NTRK2: variants seen among roughly 807,000 people sequenced by gnomAD.
The protein encoded by NTRK2 is neurotrophic receptor tyrosine kinase 2.
Under a neutral mutation model 94.5 loss-of-function variants are expected in NTRK2, and 13 were observed. The ratio of observed to expected loss-of-function variants is 0.14; its 90% confidence interval spans 0.09 to 0.22. NTRK2 has a LOEUF of 0.22. NTRK2 is among the 10% of genes least tolerant of loss of function. The probability of loss-of-function intolerance (pLI) is 1.00; values close to 1 mark genes in which losing one functional copy is unlikely to be tolerated. For synonymous variants in NTRK2, 372 were observed against 407.4 expected (o/e 0.91, Z 1.05); for missense variants, 639 against 1,071.2 (o/e 0.60, Z 5.63).
chr9:84,871,659 A>G (rs185379108), intron 14 of NTRK2: 2 of 802,928 alleles, frequency 2.5e-6, no homozygotes, highest in East Asian at 4.9e-5. Flanking sequence ...GTATGTTTTC[A>G]CTATCTGGAG....
intron 11 of NTRK2, among the ~76,000 whole-genome samples, chr9:84,746,734 T>C (rs1056078449): frequency 1.3e-5 from 2 of 152,124 alleles, no homozygotes; most frequent in Admixed American, 6.6e-5. Flanking sequence ...CTCTTTGTAC[T>C]TGTGGCTCCC....
At chr9:84,966,421 A>G (rs1437632469) in intron 17 of NTRK2, among the ~76,000 whole-genome samples, 2 of 150,914 alleles carry the variant, frequency 1.3e-5, no homozygotes. Context: ...GTGTAGAGCT[A>G]TGTTTTTGTT....
chr9:84,953,346 C>A (rs191148859), intron 16 of NTRK2, among the ~76,000 whole-genome samples: 3 of 152,370 alleles, frequency 2.0e-5, no homozygotes, highest in South Asian at 4.1e-4. Flanking sequence ...GGCCACGAAG[C>A]ACTATGCAAG....
intron 12 of NTRK2, among the ~76,000 whole-genome samples, chr9:84,839,918 T>G (rs2131768432): frequency 6.6e-6 from 1 of 152,304 alleles, no homozygotes; most frequent in South Asian, 2.1e-4. Flanking sequence ...GTTTCTTGGC[T>G]ACTTTTTTCT....
chr9:84,823,459 C>T (rs1029095538), intron 12 of NTRK2, among the ~76,000 whole-genome samples: 9 of 152,256 alleles, frequency 5.9e-5, no homozygotes, highest in African/African-American at 9.6e-5. Flanking sequence ...GCAGCCCTTG[C>T]ATTGAATTGT....
intron 12 of NTRK2, among the ~76,000 whole-genome samples, chr9:84,777,446 T>C (rs377373687): frequency 7.2e-5 from 11 of 152,344 alleles, no homozygotes; most frequent in East Asian, 5.8e-4. Context: ...CCCTTTGCTC[T>C]GGGTGTCCAC....
At chr9:84,969,162 G>A (rs1042361677) in intron 17 of NTRK2, among the ~76,000 whole-genome samples, 1 of 152,156 alleles carries the variant, frequency 6.6e-6, no homozygotes, top group Non-Finnish European at 1.5e-5. Flanking sequence ...CTGCTGTCCT[G>A]TACTCTGTTT....
intron 12 of NTRK2, chr9:84,811,087 A>T: frequency 9.3e-7 from 1 of 1,070,090 alleles, no homozygotes; most frequent in East Asian, 5.0e-5. Context: ...TCAGCACTGA[A>T]TTCAGAGGGT....
chr9:85,012,116 G>A (rs1317202492), intron 17 of NTRK2, among the ~76,000 whole-genome samples: 2 of 151,902 alleles, frequency 1.3e-5, no homozygotes, highest in Non-Finnish European at 2.9e-5. Flanking sequence ...AGCCTCCCGA[G>A]TAGCTGGGAC....
intron 9 of NTRK2, among the ~76,000 whole-genome samples, chr9:84,734,279 C>T (rs555449148): frequency 6.6e-6 from 1 of 152,212 alleles, no homozygotes; most frequent in Admixed American, 6.5e-5. Context: ...GTTATTTATC[C>T]TCTCCTTAGG....
At chr9:84,860,891 G>GTTTT (rs754341107) in intron 12 of NTRK2, 149 bp from the exon 13 acceptor site, 2 of 371,338 alleles carry the variant, frequency 5.4e-6, no homozygotes, top group African/African-American at 4.3e-5. Context: ...CAAGTGGTTT[G>GTTTT]TTTATTTATT....
At position 85,022,033 on chromosome 9, in the gene NTRK2, AG is replaced by A. The variant is rs1832810805; in HGVS notation, c.*597del. Reference sequence around the variant, plus strand: ...GATGGCTTAAGCCTGTGTATAAAAAAGAAAACTTGTGTTCAATCTGTGAAGC... The same window carrying A: ...GATGGCTTAAGCCTGTGTATAAAAAAAAAACTTGTGTTCAATCTGTGAAGC... On this transcript the variant is annotated 3_prime_UTR_variant, in exon 19 of 19. Transcript: ENST00000277120. 1 of 234,352 alleles carries A rather than the reference AG, an allele frequency of 4.3e-6. No individual in the cohort carries two copies. Among genetic ancestry groups the A allele is most frequent in the Non-Finnish European group, 8.4e-6 (1 of 118,852 alleles). 14.5% of individuals were successfully genotyped at this position (234,352 alleles called of 1,614,324 possible). A position where few individuals can be genotyped will look rare whatever the true frequency, so the allele number is the denominator to read the frequency against.
intron 17 of NTRK2, among the ~76,000 whole-genome samples, chr9:85,010,182 C>T (rs4142910): frequency 0.74 from 112,055 of 152,134 alleles, 42,005 homozygotes; most frequent in African/African-American, 0.84. Flanking sequence ...GCATTTGTCC[C>T]TTTCTAAAAG....
At position 84,670,963 on chromosome 9, in the gene NTRK2, G is replaced by A. The variant is rs763206550; in HGVS notation, c.212+3G>A. 7.6e-6 allele frequency: 12 copies of A among 1,578,368 alleles called. No individual in the cohort carries two copies. In the Admixed American group the frequency reaches 2.1e-4, roughly 27 times the overall value. On this transcript the variant is annotated splice_donor_region_variant and intron_variant, in intron 2 of 18. Transcript: ENST00000277120. Reference sequence around the variant, plus strand: ...GATCCTGAGAACATCACCGAAATGTGAGTTCCTGGAGCTTTTCCTCCTTTT... The same window carrying A: ...GATCCTGAGAACATCACCGAAATGTAAGTTCCTGGAGCTTTTCCTCCTTTT...
chr9:84,836,109 T>G (rs1337602541), intron 12 of NTRK2, among the ~76,000 whole-genome samples: 1 of 152,222 alleles, frequency 6.6e-6, no homozygotes, highest in Non-Finnish European at 1.5e-5. Flanking sequence ...TTTGCCAAAA[T>G]GTTTTTAAGT....
chr9:84,807,727 G>A lies in NTRK2; in HGVS notation c.1397-53313G>A, dbSNP rs867968878. On this transcript the variant is annotated intron_variant, in intron 12 of 18. Coordinates refer to ENST00000277120, the MANE Select transcript of NTRK2 (RefSeq NM_006180.6). Reference sequence around the variant, plus strand: ...ATCTTCTATTGTTTTGTATCATTTTGTGGTCTTTTGAGTTTTTTATAATAT... The same window carrying A: ...ATCTTCTATTGTTTTGTATCATTTTATGGTCTTTTGAGTTTTTTATAATAT... Among the ~76,000 whole-genome samples, 4 of 152,136 alleles carry A rather than the reference G, an allele frequency of 2.6e-5. No homozygotes were observed. In the South Asian group the frequency reaches 8.3e-4, roughly 31 times the overall value.
intron 8 of NTRK2, among the ~76,000 whole-genome samples, chr9:84,726,129 C>A (rs2062433077): frequency 6.6e-6 from 1 of 152,174 alleles, no homozygotes; most frequent in South Asian, 2.1e-4. Flanking sequence ...GGTCACTAGG[C>A]TCTGAAAAAT....
intron 16 of NTRK2, among the ~76,000 whole-genome samples, chr9:84,954,805 C>A (rs1823906694): frequency 6.6e-6 from 1 of 152,178 alleles, no homozygotes; most frequent in African/African-American, 2.4e-5. Context: ...GATACTCTGG[C>A]ATAGCCTGGC....
Position 84,874,132 on chromosome 9 carries a change from C to T in NTRK2, c.1633+6701C>T, listed in dbSNP as rs374092595. ...CAACAGGATGAATCCAATCAAGCTACGCCCCCATTTTGGTTTCGGATTGGC... is the reference window on the plus strand; with the variant it reads ...CAACAGGATGAATCCAATCAAGCTATGCCCCCATTTTGGTTTCGGATTGGC... On this transcript the variant is annotated intron_variant, in intron 14 of 18. Transcript: ENST00000277120. The T allele has an allele frequency of 6.2e-5, 66 of 1,064,842 alleles. 1 individual carries two copies. The East Asian group carries it at 7.5e-4, about 12-fold the overall frequency. 66.0% of individuals were successfully genotyped at this position (1,064,842 alleles called of 1,614,324 possible).
Sources: allele counts gnomAD v4.1 joint callset (sites outside exome capture counted in the v4.1 genomes callset), GRCh38; gene constraint gnomAD v4.1.1; transcripts MANE v1.5; gene names NCBI Gene and HGNC (gene_info 2026-07-23, HGNC 2026-07-21).